ANKRD31: variants seen among roughly 807,000 people sequenced by gnomAD.
ANKRD31 encodes ankyrin repeat domain-containing protein 31.
ANKRD31 carries 147 observed loss-of-function variants against 186.0 expected under a neutral mutation model. That is an observed-to-expected ratio of 0.79 (90% CI 0.69 to 0.91). The LOEUF (loss-of-function observed/expected upper bound fraction) is 0.91. Among genes scored for constraint, ANKRD31 ranks in the 40% least tolerant of loss-of-function variants. The probability of loss-of-function intolerance (pLI) is 0.00; values close to 1 mark genes in which losing one functional copy is unlikely to be tolerated. For missense variants in ANKRD31, 1,986 were observed against 2,148.8 expected (o/e 0.92, Z 1.50); for synonymous variants, 673 against 736.4 (o/e 0.91, Z 1.39).
At chr5:75,180,356 CTT>C (rs1476840425) in intron 10 of ANKRD31, among the ~76,000 whole-genome samples, 1 of 152,148 alleles carries the variant, frequency 6.6e-6, no homozygotes, top group African/African-American at 2.4e-5. Flanking sequence ...CTACCAATGA[CTT>C]TCTTCACAGA....
chr5:75,218,739 A>G (rs746573728), intron 3 of ANKRD31, among the ~76,000 whole-genome samples: 2 of 152,218 alleles, frequency 1.3e-5, no homozygotes, highest in Non-Finnish European at 2.9e-5. Context: ...TCGCACAACA[A>G]AAAGCTAATT....
At position 75,080,382 on chromosome 5, in the gene ANKRD31, T is replaced by C. The variant is rs139536292; in HGVS notation, c.5647+186A>G. 6.6e-5 allele frequency among the ~76,000 whole-genome samples: 10 copies of C among 152,308 alleles called. 1 individual carries two copies. The East Asian group carries it at 1.9e-3, about 29-fold the overall frequency. On this transcript the variant is annotated intron_variant, in intron 25 of 25. Coordinates refer to ENST00000506364, the MANE Select transcript of ANKRD31 (RefSeq NM_001372053.1). Reference sequence around the variant, plus strand: ...GAAGAATATAAGAAGTAAGAGTTCATAAAAGTTCTCTGAAATCAAAGATCT... The same window carrying C: ...GAAGAATATAAGAAGTAAGAGTTCACAAAAGTTCTCTGAAATCAAAGATCT...
intron 22 of ANKRD31, among the ~76,000 whole-genome samples, chr5:75,097,716 T>A (rs201512508): frequency 1.1e-4 from 17 of 152,330 alleles, no homozygotes; most frequent in African/African-American, 1.9e-4. Flanking sequence ...GGTGTTTTAG[T>A]CATGAAGTCC....
intron 12 of ANKRD31, among the ~76,000 whole-genome samples, chr5:75,153,647 G>C (rs10447161): frequency 0.083 from 12,631 of 152,122 alleles, 718 homozygotes; most frequent in Non-Finnish European, 0.12. Flanking sequence ...AGCCATTGCA[G>C]AGTCCTGAGC....
In ANKRD31 at chr5:75,224,129, T is replaced by TTATATA. The variant is rs148986776; in HGVS notation, c.179-1777_179-1772dup. ...AAAGGAAGAGATCTCTCAGAAATAA[T>TTATATA]TATATATATATATATATATATATAT... On this transcript the variant is annotated intron_variant, in intron 2 of 25. Transcript: ENST00000506364. Among the ~76,000 whole-genome samples, 345 of 105,688 alleles carry TTATATA rather than the reference T, an allele frequency of 3.3e-3. 1 individual carries two copies. Among genetic ancestry groups the TTATATA allele is most frequent in the South Asian group, 4.6e-3 (16 of 3,450 alleles). 69.3% of individuals were successfully genotyped at this position (105,688 alleles called of 152,430 possible).
chr5:75,109,841 A>G (rs1484202186), intron 20 of ANKRD31, among the ~76,000 whole-genome samples: 1 of 152,110 alleles, frequency 6.6e-6, no homozygotes, highest in East Asian at 1.9e-4. Context: ...AAAAAAAAAT[A>G]GAAGCTGAGA....
chr5:75,179,180 C>T (rs1369717541), intron 10 of ANKRD31, among the ~76,000 whole-genome samples: 4 of 152,010 alleles, frequency 2.6e-5, no homozygotes, highest in Admixed American at 2.0e-4. Context: ...CAAGACTAAA[C>T]CAGGAAGAAG....
chr5:75,085,910 C>T (rs1192928021), intron 23 of ANKRD31, among the ~76,000 whole-genome samples: 1 of 152,154 alleles, frequency 6.6e-6, no homozygotes, highest in African/African-American at 2.4e-5. Context: ...CTTAAAGGTA[C>T]AGATACCCTT....
intron 10 of ANKRD31, among the ~76,000 whole-genome samples, chr5:75,182,443 G>A (rs752076413): frequency 1.3e-5 from 2 of 152,102 alleles, no homozygotes; most frequent in Non-Finnish European, 2.9e-5. Context: ...AATGGGCCAG[G>A]AGAGGTGGCT....
At chr5:75,120,192 C>T (rs767365014) in intron 17 of ANKRD31, among the ~76,000 whole-genome samples, 1 of 151,900 alleles carries the variant, frequency 6.6e-6, no homozygotes, top group Non-Finnish European at 1.5e-5. Context: ...CCCAGGAGTT[C>T]GAGACCAGCC....
At chr5:75,071,885 G>A (rs562588262) in intron 25 of ANKRD31, among the ~76,000 whole-genome samples, 20 of 152,314 alleles carry the variant, frequency 1.3e-4, no homozygotes, top group African/African-American at 4.3e-4. Context: ...GTTCCTAGAC[G>A]TGGTGCCAAA....
rs1386819774 is a variant in ANKRD31 at position 75,147,483 on chromosome 5, C to T, written c.1928G>A (p.Ser643Asn). ...TTCATTATAAACATGCCAAATGTGA[C>T]TTTTAGAACTGAACTTTGGTTTCTA... The part of the protein sequence containing the change: ...QHKKPKFSSK[S>N]HIWHVYNENS... Residue 643 changes from serine to asparagine, a missense_variant, in exon 14 of 26, where the codon AGT becomes AAT. Coordinates refer to ENST00000506364, the MANE Select transcript of ANKRD31 (RefSeq NM_001372053.1). 2.1e-6 allele frequency: 3 copies of T among 1,459,058 alleles called. No homozygotes were observed. The highest frequency in any genetic ancestry group is 2.9e-5 in the African/African-American group (2 of 69,838). 90.4% of individuals were successfully genotyped at this position (1,459,058 alleles called of 1,614,324 possible).
intron 17 of ANKRD31, among the ~76,000 whole-genome samples, chr5:75,118,502 C>T (rs998673057): frequency 2.6e-5 from 4 of 152,074 alleles, no homozygotes; most frequent in African/African-American, 9.7e-5. Flanking sequence ...GAACCAAACA[C>T]AAAGACATGA....
At chr5:75,195,372 T>C (rs1476059694) in intron 7 of ANKRD31, among the ~76,000 whole-genome samples, 2 of 151,958 alleles carry the variant, frequency 1.3e-5, no homozygotes, top group African/African-American at 4.8e-5. Context: ...CTATTTTCAT[T>C]TCCTAACTCC....
At chr5:75,131,859 G>C (rs1240674391) in intron 17 of ANKRD31, among the ~76,000 whole-genome samples, 2 of 152,176 alleles carry the variant, frequency 1.3e-5, no homozygotes, top group Non-Finnish European at 2.9e-5. Context: ...TCCAATATTG[G>C]CTGTTCTGCA....
At position 75,168,974 on chromosome 5, in the gene ANKRD31, A is replaced by G. The variant is rs1021312977; in HGVS notation, c.1707+5T>C. The G allele has an allele frequency of 8.5e-6, 13 of 1,532,556 alleles. No homozygotes were observed. Among genetic ancestry groups the G allele is most frequent in the Admixed American group, 2.0e-5 (1 of 50,844 alleles). The allele number at this position is 1,532,556 out of a possible 1,614,324, so 94.9% of individuals were successfully genotyped here. On this transcript the variant is annotated splice_donor_5th_base_variant and intron_variant, in intron 11 of 25. Transcript: ENST00000506364. ...TTTGTTCTGCAAATAAAAGCATCAC[A>G]GTACCTTATAATGTCCATTCATCAC...
chr5:75,193,192 T>C (rs1476454871), intron 8 of ANKRD31, 119 bp downstream of exon 8: 6 of 1,197,432 alleles, frequency 5.0e-6, no homozygotes, highest in Non-Finnish European at 6.8e-6. Context: ...AGCAATAATA[T>C]AAAAAATAAA....
intron 20 of ANKRD31, among the ~76,000 whole-genome samples, chr5:75,112,153 C>T (rs562998889): frequency 1.3e-5 from 2 of 152,118 alleles, no homozygotes; most frequent in South Asian, 2.1e-4. Context: ...TGCAGTGGCG[C>T]GATCTTGGCT....
chr5:75,164,112 T>C (rs780284207), intron 11 of ANKRD31, among the ~76,000 whole-genome samples: 8 of 152,172 alleles, frequency 5.3e-5, no homozygotes, highest in Non-Finnish European at 8.8e-5. Context: ...ATGCCAGTTG[T>C]CATACTGTGA....
Sources: allele counts gnomAD v4.1 joint callset (sites outside exome capture counted in the v4.1 genomes callset), GRCh38; gene constraint gnomAD v4.1.1; transcripts MANE v1.5; gene names NCBI Gene and HGNC (gene_info 2026-07-23, HGNC 2026-07-21).